NPAS1: variants seen among roughly 807,000 people sequenced by gnomAD.
The protein encoded by NPAS1 is neuronal PAS domain protein 1.
Under a neutral mutation model 49.2 loss-of-function variants are expected in NPAS1, and 29 were observed. The ratio of observed to expected loss-of-function variants is 0.59; its 90% CI spans 0.44 to 0.80. NPAS1 has a LOEUF of 0.80. Among genes scored for constraint, NPAS1 ranks in the 30% least tolerant of loss-of-function variants. NPAS1 has a pLI of 0.00. For missense variants in NPAS1, 825 were observed against 835.5 expected (o/e 0.99, Z 0.15); for synonymous variants, 408 against 380.4 (o/e 1.07, Z -0.84).
Position 47,041,091 on chromosome 19 carries a change from G to C in NPAS1, c.1183G>C (p.Glu395Gln), listed in dbSNP as rs769502730. 1 of 1,596,992 alleles carries C rather than the reference G, an allele frequency of 6.3e-7. No homozygotes were observed. The highest frequency in any genetic ancestry group is 1.7e-5 in the Admixed American group (1 of 58,026). Residue 395 changes from glutamate to glutamine, a missense_variant, in exon 10 of 12, where the codon GAG becomes CAG. Transcript: ENST00000602212. ...GGCTGGGAGCGGGAAGAGCCCCGGG[G>C]AGCACCATGTGCTTTGGGTCAGCCA... ...TVAGSGKSPG[E>Q]HHVLWVSHVL... is the part of the protein sequence containing the mutation.
At position 47,042,011 on chromosome 19, in the gene NPAS1, A is replaced by AGG. The variant is rs1568510771; in HGVS notation, c.1218-799_1218-798insGG. 1.0e-3 allele frequency among the ~76,000 whole-genome samples: 89 copies of AGG among 86,706 alleles called. 8 individuals are homozygous for AGG. Among genetic ancestry groups the AGG allele is most frequent in the Middle Eastern group, 0.014 (2 of 138 alleles). The allele number at this position is 86,706 out of a possible 152,430, so 56.9% of individuals were successfully genotyped here. A position where few individuals can be genotyped will look rare whatever the true frequency, so the allele number is the denominator to read the frequency against. On this transcript the variant is annotated intron_variant, in intron 10 of 11. Transcript: ENST00000602212. ...AAAAAAAAAAAAAAAAAAAAAAGGAAAAAACACCCTTCTAGGCCAGGCACA... is the reference window on the plus strand; with the variant it reads ...AAAAAAAAAAAAAAAAAAAAAAGGAAGGAAAACACCCTTCTAGGCCAGGCACA...
chr19:47,021,827 CG>C lies in NPAS1; in HGVS notation c.342del (p.Pro115ArgfsTer39). 1 of 1,508,044 alleles carries C rather than the reference CG, an allele frequency of 6.6e-7. No individual in the cohort carries two copies. Among genetic ancestry groups the C allele is most frequent in the Non-Finnish European group, 8.8e-7 (1 of 1,132,668 alleles). 93.4% of individuals were successfully genotyped at this position (1,508,044 alleles called of 1,614,324 possible). On this transcript the variant is annotated frameshift_variant, in exon 3 of 12. Coordinates refer to ENST00000602212, the MANE Select transcript of NPAS1 (RefSeq NM_002517.4). LOFTEE classifies it high-confidence loss of function. This position sits in a 1 kb window ranked among gnomAD's most constrained non-coding sequence, Gnocchi z 5.7. ...GCGCCGCCCTGGGGGCTGAGAGCCG[CG>C]GGGCCGCCAGCTGGCCTCGGTGAGT... ...LGAPPWGLRA[A>X]GPPAGLAPGR...
rs1284271536 is a variant in NPAS1, at chr19:47,045,195, G to A, written c.1317G>A (p.Pro439=). 4 of 1,613,034 alleles carry A rather than the reference G, an allele frequency of 2.5e-6. No homozygotes were observed. Among genetic ancestry groups the A allele is most frequent in the African/African-American group, 2.7e-5 (2 of 74,920 alleles). ...CTCAGCATCTTCCTCTTCCAGAGCC[G>A]GAGCCTCCGACGGAAGGGAAGCAGG... The part of the protein sequence containing the change: ...ASSPGPEPTE[P]EPPTEGKQAA... The change falls in exon 12 of 12, where the codon CCG becomes CCA. Residue 439 remains proline (P), a synonymous_variant. Transcript: ENST00000602212.
At chr19:47,024,592 G>A (rs545169232) in intron 3 of NPAS1, among the ~76,000 whole-genome samples, 9 of 152,148 alleles carry the variant, frequency 5.9e-5, no homozygotes, top group African/African-American at 1.2e-4. Context: ...GCCCAAGGTC[G>A]CACAGCTGGG....
rs372541969 is a variant in NPAS1, at chr19:47,040,474, A to G, written c.993A>G (p.Ser331=). The G allele has an allele frequency of 1.3e-5, 21 of 1,603,524 alleles. No homozygotes were observed. The highest frequency in any genetic ancestry group is 1.7e-5 in the Non-Finnish European group (20 of 1,175,648). The change falls in exon 9 of 12, where the codon TCA becomes TCG. Residue 331 remains serine, a synonymous_variant. Transcript: ENST00000602212. The part of the protein sequence containing the change: ...RVSDHMDLGP[S]ELVGRSCYQF... Reference sequence around the variant, plus strand: ...GCGACCACATGGACCTGGGGCCCTCAGAGCTGGTGGGCCGCAGCTGCTACC... The same window carrying G: ...GCGACCACATGGACCTGGGGCCCTCGGAGCTGGTGGGCCGCAGCTGCTACC...
At chr19:47,042,966 T>C in intron 11 of NPAS1, 62 bp downstream of exon 11, 1 of 1,318,636 alleles carries the variant, frequency 7.6e-7, no homozygotes, top group Non-Finnish European at 1.0e-6. Context: ...GTCCTGGCTG[T>C]CCATTCCAGA....
At chr19:47,037,657 A>G (rs913761812) in intron 6 of NPAS1, among the ~76,000 whole-genome samples, 1 of 152,130 alleles carries the variant, frequency 6.6e-6, no homozygotes, top group African/African-American at 2.4e-5. Flanking sequence ...GAGGCTAACT[A>G]TCCTGTAAAT....
chr19:47,040,907 T>G, intron 9 of NPAS1, 71 bp from the exon 10 acceptor site: 1 of 1,314,908 alleles, frequency 7.6e-7, no homozygotes, highest in East Asian at 2.7e-5. Context: ...TCTCCTCCTG[T>G]CTACCTGGCT....
chr19:47,043,455 T>G (rs2057043361), intron 11 of NPAS1, among the ~76,000 whole-genome samples: 1 of 151,830 alleles, frequency 6.6e-6, no homozygotes, highest in South Asian at 2.1e-4. Context: ...CTGGACATGG[T>G]GCCATGCTCC....
chr19:47,031,305 C>G (rs1488691666), intron 3 of NPAS1, among the ~76,000 whole-genome samples: 1 of 150,460 alleles, frequency 6.6e-6, no homozygotes, highest in African/African-American at 2.4e-5. Flanking sequence ...TTCAAGCGAT[C>G]CTCCTACCTA....
chr19:47,045,484 C>T lies in NPAS1; in HGVS notation c.1606C>T (p.Leu536=), dbSNP rs372895327. The T allele has an allele frequency of 1.8e-4, 288 of 1,567,910 alleles. No individual in the cohort carries two copies. The African/African-American group carries it at 3.2e-3, about 17-fold the overall frequency. Residue 536 remains leucine, a synonymous_variant, in exon 12 of 12, where the codon CTG becomes TTG. Coordinates refer to ENST00000602212, the MANE Select transcript of NPAS1 (RefSeq NM_002517.4). Reference sequence around the variant, plus strand: ...CTTCCTGCCGCCGGTGGTGCGGGGCCTGTGCACACCCGGCACCATCCGCTA... The same window carrying T: ...CTTCCTGCCGCCGGTGGTGCGGGGCTTGTGCACACCCGGCACCATCCGCTA... ...AGFLPPVVRG[L]CTPGTIRYGP...
chr19:47,027,826 G>T (rs2056883961), intron 3 of NPAS1, among the ~76,000 whole-genome samples: 1 of 152,188 alleles, frequency 6.6e-6, no homozygotes. Context: ...ATGGATGAGT[G>T]ATGTTTGGGT....
intron 5 of NPAS1, 115 bp from the exon 6 acceptor site, chr19:47,035,849 C>A (rs2056948166): frequency 9.6e-7 from 1 of 1,046,200 alleles, no homozygotes; most frequent in Non-Finnish European, 1.3e-6. Context: ...AAAAAACACA[C>A]TGGCATGAAG....
At chr19:47,040,903 C>G (rs1225812332) in intron 9 of NPAS1, 75 bp from the exon 10 acceptor site, 1 of 1,288,904 alleles carries the variant, frequency 7.8e-7, no homozygotes, top group Non-Finnish European at 1.0e-6. Flanking sequence ...CCTGTCTCCT[C>G]CTGTCTACCT....
Position 47,039,424 on chromosome 19 carries a change from G to C in NPAS1, c.822G>C (p.Gly274=). Residue 274 remains glycine (G), a synonymous_variant, in exon 8 of 12, where the codon GGG becomes GGC. Coordinates refer to ENST00000602212, the MANE Select transcript of NPAS1 (RefSeq NM_002517.4). ...ACCAGCAGGTCATCCACGTGACTGG[G>C]CGCCTTCGGGCCCACGCCCTGGGCC... The part of the protein sequence containing the change: ...ASGYKVIHVT[G]RLRAHALGLV... 1 of 1,611,796 alleles carries C rather than the reference G, an allele frequency of 6.2e-7. No homozygotes were observed. Among genetic ancestry groups the C allele is most frequent in the Admixed American group, 1.7e-5 (1 of 59,968 alleles).
At position 47,036,077 on chromosome 19, in the gene NPAS1, C is replaced by T. The variant is rs1476654317; in HGVS notation, c.636C>T (p.Ser212=). ...TPTPGPPTPP[S]VSSSSSSSSS... ...CGCCCGGCCCCCCAACCCCGCCCTC[C>T]GTCTCCTCTTCCTCCTCCTCTTCCT... Residue 212 remains serine (S), a synonymous_variant, in exon 6 of 12, where the codon TCC becomes TCT. Coordinates refer to ENST00000602212, the MANE Select transcript of NPAS1 (RefSeq NM_002517.4). 6.9e-6 allele frequency: 11 copies of T among 1,592,604 alleles called. No individual in the cohort carries two copies. Among genetic ancestry groups the T allele is most frequent in the Admixed American group, 3.5e-5 (2 of 56,522 alleles).
chr19:47,021,144 A>G lies in NPAS1; in HGVS notation c.97A>G (p.Met33Val). 6.3e-7 allele frequency: 1 copy of G among 1,596,424 alleles called. No homozygotes were observed. Among genetic ancestry groups the G allele is most frequent in the South Asian group, 1.1e-5 (1 of 89,238 alleles). The stretch of plus-strand genomic sequence containing the variant: ...CCCCTGGGACTTTCTACCCGGGCTG[A>G]TGGTCAAGGCGCCGTCCGGACCGTG... Reference protein sequence around the residue: ...SVPWDFLPGLMVKAPSGPCLQ... With the variant: ...SVPWDFLPGLVVKAPSGPCLQ... The change falls in exon 2 of 12, where the codon ATG becomes GTG. Residue 33 changes from methionine (M) to valine (V), a missense_variant. Physicochemically the swap from Met to Val is conservative, Grantham distance 21. Coordinates refer to ENST00000602212, the MANE Select transcript of NPAS1 (RefSeq NM_002517.4). The surrounding 1 kb of genome is among the most constrained non-coding windows in gnomAD (Gnocchi z 5.7).
chr19:47,020,814 C>T, intron 1 of NPAS1, 192 bp from the exon 2 acceptor site: 1 of 369,592 alleles, frequency 2.7e-6, no homozygotes. Flanking sequence ...CGGGGCACGT[C>T]CTCACCCGGA....
intron 10 of NPAS1, 126 bp downstream of exon 10, chr19:47,041,251 G>A (rs1057351053): frequency 1.1e-6 from 1 of 895,282 alleles, no homozygotes; most frequent in African/African-American, 1.8e-5. Context: ...CAGACACGAA[G>A]GGGAAGGAGG....
Sources: gnomAD v4.1 joint callset for allele counts (sites outside exome capture counted in the v4.1 genomes callset) on GRCh38, gnomAD v4.1.1 for gene constraint, Gnocchi (gnomAD v3.1) non-coding constraint, MANE v1.5 for transcripts, NCBI Gene and HGNC (gene_info 2026-07-23, HGNC 2026-07-21) for gene names.